Variants in EYS observed in about 807,000 individuals in gnomAD.
EYS encodes the protein protein eyes shut homolog.
Under a neutral mutation model 282.1 loss-of-function variants are expected in EYS, and 250 were observed. The observed-to-expected ratio is 0.89, with a 90% CI of 0.80 to 0.98. The LOEUF (loss-of-function observed/expected upper bound fraction) is 0.98, where lower values mean the gene tolerates loss of function less well. Ranked by LOEUF, EYS falls within the 50% of genes least tolerant of loss-of-function variation. The pLI is 0.00. For missense variants in EYS, 4,016 were observed against 3,709.0 expected (o/e 1.08, Z -2.15); for synonymous variants, 1,355 against 1,282.9 (o/e 1.06, Z -1.20).
chr6:64,618,225 T>C (rs1767336073), intron 23 of EYS, among the ~76,000 whole-genome samples: 1 of 152,312 alleles, frequency 6.6e-6, no homozygotes, highest in East Asian at 1.9e-4. Context: ...CATTGCTAAG[T>C]ATTCCATAAG....
At chr6:63,798,987 G>GTGTATATATATATATA (rs1247104267) in intron 37 of EYS, among the ~76,000 whole-genome samples, 2 of 85,792 alleles carry the variant, frequency 2.3e-5, no homozygotes. Context: ...GTATATGTGT[G>GTGTATATATATATATA]TATATATATA....
At chr6:64,660,929 A>G (rs1768989759) in intron 22 of EYS, among the ~76,000 whole-genome samples, 1 of 152,224 alleles carries the variant, frequency 6.6e-6, no homozygotes, top group South Asian at 2.1e-4. Context: ...CGCATTGCCA[A>G]GTCAATCCTA....
At chr6:64,217,460 C>T (rs1765967382) in intron 31 of EYS, among the ~76,000 whole-genome samples, 1 of 152,110 alleles carries the variant, frequency 6.6e-6, no homozygotes, top group African/African-American at 2.4e-5. Flanking sequence ...ACCCAGGAGA[C>T]AGAGTTTGCA....
intron 22 of EYS, among the ~76,000 whole-genome samples, chr6:64,650,417 A>G (rs542563383): frequency 2.0e-5 from 3 of 152,176 alleles, no homozygotes; most frequent in Middle Eastern, 3.4e-3. Flanking sequence ...ACTTTTAGCC[A>G]GTGTGACTAA....
At chr6:64,185,419 A>G (rs539962518) in intron 31 of EYS, among the ~76,000 whole-genome samples, 42 of 152,246 alleles carry the variant, frequency 2.8e-4, no homozygotes, top group Admixed American at 2.3e-3. Flanking sequence ...TTCTCCTCTA[A>G]GTGACAAGTC....
chr6:63,790,533 G>A (rs910949480), intron 37 of EYS, among the ~76,000 whole-genome samples: 1 of 152,156 alleles, frequency 6.6e-6, no homozygotes, highest in Admixed American at 6.6e-5. Flanking sequence ...GGAACTTATG[G>A]CAAGTCTCTT....
intron 26 of EYS, among the ~76,000 whole-genome samples, chr6:64,552,859 C>G (rs1765125765): frequency 6.6e-6 from 1 of 151,766 alleles, no homozygotes; most frequent in South Asian, 2.1e-4. Flanking sequence ...GCAGAGGTTG[C>G]TGTGAGCAGA....
rs1765307582 is a variant in EYS at position 65,473,917 on chromosome 6, GT to G, written c.862+16676del. Among the ~76,000 whole-genome samples, 3 of 151,890 alleles carry G rather than the reference GT, an allele frequency of 2.0e-5. No individual in the cohort carries two copies. The South Asian group carries it at 6.2e-4, about 32-fold the overall frequency. Reference sequence around the variant, plus strand: ...AACTAGAAGGATAACAAGGCCCAGTGTTTTTTAGAGTAATGATGAGGTTCTT... The same window carrying G: ...AACTAGAAGGATAACAAGGCCCAGTGTTTTTAGAGTAATGATGAGGTTCTT... On this transcript the variant is annotated intron_variant, in intron 5 of 42. Transcript: ENST00000503581.
chr6:65,312,064 G>T (rs1330450241), intron 11 of EYS, among the ~76,000 whole-genome samples: 3 of 151,092 alleles, frequency 2.0e-5, no homozygotes. Context: ...TGGTCCTTTG[G>T]CTCAGACCAC....
intron 19 of EYS, among the ~76,000 whole-genome samples, chr6:64,849,981 C>T (rs538786201): frequency 2.6e-4 from 39 of 151,942 alleles, no homozygotes; most frequent in Non-Finnish European, 3.2e-4. Context: ...TTCACTCACA[C>T]TCACAGGGAG....
chr6:65,462,881 A>T (rs1764868677), intron 5 of EYS, among the ~76,000 whole-genome samples: 2 of 152,062 alleles, frequency 1.3e-5, no homozygotes, highest in Admixed American at 1.3e-4. Context: ...TTTACATTTT[A>T]TTTGGCTGAA....
At chr6:64,724,633 T>C (rs1771691540) in intron 22 of EYS, among the ~76,000 whole-genome samples, 1 of 152,178 alleles carries the variant, frequency 6.6e-6, no homozygotes, top group African/African-American at 2.4e-5. Context: ...TAATGTTGAG[T>C]GGGAAAACTA....
At chr6:63,895,064 C>A (rs1773502230) in intron 35 of EYS, among the ~76,000 whole-genome samples, 1 of 151,894 alleles carries the variant, frequency 6.6e-6, no homozygotes, top group Non-Finnish European at 1.5e-5. Flanking sequence ...CTGAGGCCCA[C>A]CGAGCCATTA....
chr6:63,756,949 T>C (rs1373384586), intron 41 of EYS, among the ~76,000 whole-genome samples: 3 of 152,140 alleles, frequency 2.0e-5, no homozygotes, highest in Admixed American at 1.3e-4. Context: ...ACCACTATTG[T>C]GTTAAACTGT....
At chr6:64,208,218 T>A (rs1013851518) in intron 31 of EYS, among the ~76,000 whole-genome samples, 1 of 152,214 alleles carries the variant, frequency 6.6e-6, no homozygotes, top group Non-Finnish European at 1.5e-5. Context: ...TGTGTGGGGA[T>A]TATATAACCG....
At chr6:65,037,113 G>A (rs1235473756) in intron 13 of EYS, among the ~76,000 whole-genome samples, 1 of 151,856 alleles carries the variant, frequency 6.6e-6, no homozygotes, top group Non-Finnish European at 1.5e-5. Context: ...AATACACCAT[G>A]GAATATTAAG....
intron 31 of EYS, among the ~76,000 whole-genome samples, chr6:64,128,770 T>G (rs2150279862): frequency 6.6e-6 from 1 of 152,324 alleles, no homozygotes; most frequent in African/African-American, 2.4e-5. Flanking sequence ...TTGCATGCCT[T>G]CTAAGCAATA....
rs376346767 is a variant in EYS, at chr6:63,735,409, A to G, written c.8072-8729T>C. The stretch of plus-strand genomic sequence containing the variant: ...TCATCTCTTTCACCCAGACTCTCCA[A>G]TTGTTCCTATTTTATTGCATTTTCT... On this transcript the variant is annotated intron_variant, in intron 41 of 42. Coordinates refer to ENST00000503581, the MANE Select transcript of EYS (RefSeq NM_001142800.2). Among the ~76,000 whole-genome samples, 5 of 151,788 alleles carry G rather than the reference A, an allele frequency of 3.3e-5. No individual in the cohort carries two copies. In the East Asian group the frequency reaches 5.8e-4, roughly 18 times the overall value.
At chr6:64,198,580 G>T (rs1765370258) in intron 31 of EYS, among the ~76,000 whole-genome samples, 1 of 151,986 alleles carries the variant, frequency 6.6e-6, no homozygotes, top group Non-Finnish European at 1.5e-5. Flanking sequence ...TGTGGTGTTT[G>T]GTTTTCTGTT....
Sources: gnomAD v4.1 joint callset for allele counts (sites outside exome capture counted in the v4.1 genomes callset) on GRCh38, gnomAD v4.1.1 for gene constraint, MANE v1.5 for transcripts, NCBI Gene and HGNC (gene_info 2026-07-23, HGNC 2026-07-21) for gene names.